Variants in PDGFB observed in about 807,000 individuals in gnomAD.
PDGFB encodes platelet derived growth factor subunit B.
Under a neutral mutation model 29.0 loss-of-function variants are expected in PDGFB, and 6 were observed. The ratio of observed to expected loss-of-function variants is 0.21; its 90% CI spans 0.11 to 0.41. The LOEUF (loss-of-function observed/expected upper bound fraction) is 0.41, where lower values mean the gene tolerates loss of function less well. Among genes scored for constraint, PDGFB ranks in the 10% least tolerant of loss-of-function variants. PDGFB has a pLI of 1.00. For synonymous variants in PDGFB, 144 were observed against 140.8 expected (o/e 1.02, Z -0.16); for missense variants, 299 against 341.8 (o/e 0.87, Z 0.99).
At chr22:39,230,407 C>T (rs2146437099) in intron 4 of PDGFB, among the ~76,000 whole-genome samples, 179 bp from the exon 5 acceptor site, 1 of 152,376 alleles carries the variant, frequency 6.6e-6, no homozygotes, top group Non-Finnish European at 1.5e-5. Context: ...TTGACCTCTG[C>T]CCTTCTCGTA....
rs940479595 is a variant in PDGFB, at chr22:39,242,602, T to A, written c.63+1299A>T. 1.3e-5 allele frequency among the ~76,000 whole-genome samples: 2 copies of A among 151,232 alleles called. No homozygotes were observed. Among genetic ancestry groups the A allele is most frequent in the African/African-American group, 4.9e-5 (2 of 41,222 alleles). ...GGGCGGGGCCCCCGGGCGGGCGGCC[T>A]GCGGCCCTCGAGGAGCCCCGAGAAC... On this transcript the variant is annotated intron_variant, in intron 1 of 6. Coordinates refer to ENST00000331163, the MANE Select transcript of PDGFB (RefSeq NM_002608.4). The surrounding 1 kb of genome is among the most constrained non-coding windows in gnomAD (Gnocchi z 5.7).
intron 1 of PDGFB, among the ~76,000 whole-genome samples, chr22:39,239,330 A>G (rs1932514960): frequency 6.6e-6 from 1 of 150,602 alleles, no homozygotes; most frequent in Non-Finnish European, 1.5e-5. Flanking sequence ...GCTGGGCCAC[A>G]GGAAATGGTA....
chr22:39,228,449 C>T (rs771796058), intron 5 of PDGFB, among the ~76,000 whole-genome samples: 4 of 151,732 alleles, frequency 2.6e-5, no homozygotes, highest in Non-Finnish European at 2.9e-5. Context: ...ATTAGCTGGA[C>T]GTGGTGGCAC....
rs1454206893 is a variant in PDGFB at position 39,242,393 on chromosome 22, C to A, written c.63+1508G>T. 4.4e-5 allele frequency: 9 copies of A among 205,278 alleles called. No homozygotes were observed. The South Asian group carries it at 7.5e-4, about 17-fold the overall frequency. 12.7% of individuals were successfully genotyped at this position (205,278 alleles called of 1,614,324 possible). A position where few individuals can be genotyped will look rare whatever the true frequency, so the allele number is the denominator to read the frequency against. Reference sequence around the variant, plus strand: ...GACGCCCTGGCACCGGGCCCAGCCCCCAGGTCCCACGGCGAGGCGAGGCGG... The same window carrying A: ...GACGCCCTGGCACCGGGCCCAGCCCACAGGTCCCACGGCGAGGCGAGGCGG... On this transcript the variant is annotated intron_variant, in intron 1 of 6. Transcript: ENST00000331163. The surrounding 1 kb of genome is among the most constrained non-coding windows in gnomAD (Gnocchi z 5.7).
chr22:39,241,077 G>A (rs1031934772), intron 1 of PDGFB: 1 of 632,484 alleles, frequency 1.6e-6, no homozygotes, highest in Non-Finnish European at 2.8e-6. Flanking sequence ...AAAGCCAGAG[G>A]AAGCTGGATG....
intron 6 of PDGFB, 115 bp from the exon 7 acceptor site, chr22:39,225,428 T>C: frequency 3.6e-6 from 1 of 277,382 alleles, no homozygotes; most frequent in Non-Finnish European, 6.8e-6. Context: ...CACCCCTGAT[T>C]TCCAGCAATG....
rs370858568 is a variant in PDGFB at position 39,231,849 on chromosome 22, G to A, written c.251-22C>T. On this transcript the variant is annotated intron_variant, in intron 3 of 6. Coordinates refer to ENST00000331163, the MANE Select transcript of PDGFB (RefSeq NM_002608.4). The surrounding 1 kb of genome is among the most constrained non-coding windows in gnomAD (Gnocchi z 4.3). Reference sequence around the variant, plus strand: ...GAACCTGGGAGGAGACGAAACCTGGGTCAGGAGCGTAGGCCTGTCCAGAGT... The same window carrying A: ...GAACCTGGGAGGAGACGAAACCTGGATCAGGAGCGTAGGCCTGTCCAGAGT... The A allele has an allele frequency of 5.2e-5, 84 of 1,603,508 alleles. No homozygotes were observed. The highest frequency in any genetic ancestry group is 6.5e-5 in the Non-Finnish European group (77 of 1,175,974).
rs1247839199 is a variant in PDGFB at position 39,242,046 on chromosome 22, A to T, written c.63+1855T>A. 1 of 231,206 alleles carries T rather than the reference A, an allele frequency of 4.3e-6. No homozygotes were observed. The highest frequency in any genetic ancestry group is 5.6e-5 in the Admixed American group (1 of 17,710). The allele number at this position is 231,206 out of a possible 1,614,324, so 14.3% of individuals were successfully genotyped here. On this transcript the variant is annotated intron_variant, in intron 1 of 6. Coordinates refer to ENST00000331163, the MANE Select transcript of PDGFB (RefSeq NM_002608.4). This position sits in a 1 kb window ranked among gnomAD's most constrained non-coding sequence, Gnocchi z 5.7. ...GCCCACCTGTTGCGCGGGGGCGAGC[A>T]CCAGGCGCTGGGTGCACGGGGGCCC...
intron 1 of PDGFB, among the ~76,000 whole-genome samples, chr22:39,236,446 T>A (rs1932444705): frequency 6.6e-6 from 1 of 152,100 alleles, no homozygotes; most frequent in East Asian, 1.9e-4. Flanking sequence ...TAGCGGTATC[T>A]ATGAAGTCTC....
intron 1 of PDGFB, chr22:39,240,930 C>T (rs1932555323): frequency 7.4e-7 from 1 of 1,355,066 alleles, no homozygotes; most frequent in Admixed American, 2.0e-5. Context: ...CGCACACACA[C>T]ACACACACAC....
At chr22:39,238,733 C>G (rs1932501674) in intron 1 of PDGFB, among the ~76,000 whole-genome samples, 1 of 152,256 alleles carries the variant, frequency 6.6e-6, no homozygotes, top group South Asian at 2.1e-4. Context: ...TGGCCCTCAG[C>G]ATCACACAAG....
chr22:39,227,591 C>T (rs1190477397), intron 5 of PDGFB, among the ~76,000 whole-genome samples: 2 of 152,220 alleles, frequency 1.3e-5, no homozygotes, highest in Admixed American at 6.5e-5. Flanking sequence ...GAAACTGAAG[C>T]AGAGAGACTG....
chr22:39,224,801 T>C lies in PDGFB; in HGVS notation c.*541A>G, dbSNP rs1373736744. On this transcript the variant is annotated 3_prime_UTR_variant, in exon 7 of 7. Transcript: ENST00000331163. ...CCAGGGAGACGAGGTGACTGGTGTT[T>C]GGGCACCGTGGGAGGGGTTTTCTCC... is the stretch of plus-strand genomic sequence containing the variant. 6.6e-6 allele frequency: 1 copy of C among 152,382 alleles called. No homozygotes were observed. The highest frequency in any genetic ancestry group is 1.5e-5 in the Non-Finnish European group (1 of 68,064). The allele number at this position is 152,382 out of a possible 1,614,324, so 9.4% of individuals were successfully genotyped here.
chr22:39,228,937 A>G (rs1352453974), intron 5 of PDGFB, among the ~76,000 whole-genome samples: 1 of 149,796 alleles, frequency 6.7e-6, no homozygotes, highest in Non-Finnish European at 1.5e-5. Context: ...TTAATAGAGA[A>G]ATCACCCTCC....
intron 2 of PDGFB, 62 bp from the exon 3 acceptor site, chr22:39,233,586 C>A (rs1294338488): frequency 7.3e-6 from 9 of 1,228,058 alleles, no homozygotes; most frequent in Non-Finnish European, 1.0e-5. Context: ...CTCCCTCCGC[C>A]GGGGTGTCTG....
intron 1 of PDGFB, among the ~76,000 whole-genome samples, chr22:39,240,131 C>T (rs934803226): frequency 3.3e-5 from 5 of 152,224 alleles, no homozygotes; most frequent in Admixed American, 1.3e-4. Flanking sequence ...GGGACCCTCC[C>T]GCTCAGCCTC....
At chr22:39,235,573 TCTC>T (rs1026442292) in intron 2 of PDGFB, among the ~76,000 whole-genome samples, 6 of 152,278 alleles carry the variant, frequency 3.9e-5, no homozygotes, top group African/African-American at 1.4e-4. Flanking sequence ...CGTGGGTGCT[TCTC>T]CTGCCACACC....
At position 39,225,796 on chromosome 22, in the gene PDGFB, G is replaced by A. The variant is rs1276134528; in HGVS notation, c.653C>T (p.Pro218Leu). The change falls in exon 6 of 7, where the codon CCC becomes CTC. Residue 218 changes from proline (P) to leucine (L), a missense_variant. Coordinates refer to ENST00000331163, the MANE Select transcript of PDGFB (RefSeq NM_002608.4). ...GAATTTCCGGTGCTTGCCCTTGGGG[G>A]GCCGGCGGACTCGCACCGTCCGAAT... The part of the protein sequence containing the change: ...VTIRTVRVRR[P>L]PKGKHRKFKH... 5 of 1,614,146 alleles carry A rather than the reference G, an allele frequency of 3.1e-6. No individual in the cohort carries two copies. The highest frequency in any genetic ancestry group is 1.7e-5 in the Admixed American group (1 of 60,018).
intron 1 of PDGFB, among the ~76,000 whole-genome samples, chr22:39,241,696 C>T (rs1162937466): frequency 1.3e-5 from 2 of 152,228 alleles, no homozygotes; most frequent in African/African-American, 4.8e-5. Flanking sequence ...CAAGAGAATG[C>T]AACAGCCAGG....
Sources: allele counts gnomAD v4.1 joint callset (sites outside exome capture counted in the v4.1 genomes callset), GRCh38; gene constraint gnomAD v4.1.1; non-coding constraint Gnocchi (gnomAD v3.1); transcripts MANE v1.5; gene names NCBI Gene and HGNC (gene_info 2026-07-23, HGNC 2026-07-21).